GULP1: variants seen among roughly 807,000 people sequenced by gnomAD.
GULP1 encodes the protein PTB domain-containing engulfment adapter protein 1.
A neutral mutation model predicts 40.9 loss-of-function variants in GULP1; 19 were observed. The ratio of observed to expected loss-of-function variants is 0.46; its 90% CI spans 0.32 to 0.68. The LOEUF (loss-of-function observed/expected upper bound fraction) is 0.68, where lower values mean the gene tolerates loss of function less well. GULP1 is among the 30% of genes least tolerant of loss of function. The probability of loss-of-function intolerance (pLI) is 0.03; values close to 1 mark genes in which losing one functional copy is unlikely to be tolerated. For missense variants in GULP1, 312 were observed against 362.2 expected, an observed-to-expected ratio of 0.86 and a Z score of 1.12; for synonymous variants, 119 against 117.6, an observed-to-expected ratio of 1.01 and a Z score of -0.08.
intron 11 of GULP1, chr2:188,588,321 A>C (rs749951304): frequency 5.0e-5 from 10 of 198,640 alleles, no homozygotes; most frequent in Non-Finnish European, 9.4e-5. Flanking sequence ...GTAAATGGGT[A>C]GATGAAGGAA....
At position 188,318,520 on chromosome 2, in the gene GULP1, C is replaced by T. The variant is rs147050765; in HGVS notation, c.-172+26354C>T. On this transcript the variant is annotated intron_variant, in intron 1 of 11. Coordinates refer to ENST00000409830, the MANE Select transcript of GULP1 (RefSeq NM_016315.4). ...TGAGGCAGAAGGTGGGACTCAACAA[C>T]GGAGACAGGGCTGGAACACCGGATC... Among the ~76,000 whole-genome samples the T allele has an allele frequency of 4.4e-3, 673 of 152,166 alleles. 5 individuals carry two copies. Among genetic ancestry groups the T allele is most frequent in the African/African-American group, 0.015 (628 of 41,536 alleles).
chr2:188,556,456 CTT>C (rs1348448747), intron 7 of GULP1, among the ~76,000 whole-genome samples: 1 of 152,052 alleles, frequency 6.6e-6, no homozygotes, highest in East Asian at 1.9e-4. Flanking sequence ...TTTCTGATTT[CTT>C]TTTATTGTTT....
intron 6 of GULP1, among the ~76,000 whole-genome samples, chr2:188,539,985 C>G (rs1328272857): frequency 6.6e-6 from 1 of 152,048 alleles, no homozygotes; most frequent in Non-Finnish European, 1.5e-5. Flanking sequence ...TCTGAAGCCA[C>G]CTTTAGAGAA....
intron 4 of GULP1, among the ~76,000 whole-genome samples, chr2:188,486,069 AG>A (rs2061837176): frequency 6.6e-6 from 1 of 152,062 alleles, no homozygotes; most frequent in Admixed American, 6.6e-5. Flanking sequence ...ATGATGGACA[AG>A]GTTAAAAAGG....
chr2:188,556,716 A>T (rs1028548547), intron 7 of GULP1, among the ~76,000 whole-genome samples: 2 of 152,052 alleles, frequency 1.3e-5, no homozygotes, highest in East Asian at 3.9e-4. Context: ...TGTGGGGAGG[A>T]TGTTGCTAAA....
intron 2 of GULP1, among the ~76,000 whole-genome samples, chr2:188,459,352 C>A (rs2059522949): frequency 6.6e-6 from 1 of 152,112 alleles, no homozygotes; most frequent in South Asian, 2.1e-4. Context: ...TTCTCGCTAG[C>A]ATTTTTTATT....
intron 2 of GULP1, among the ~76,000 whole-genome samples, chr2:188,471,709 C>T (rs2153009120): frequency 6.6e-6 from 1 of 152,180 alleles, no homozygotes; most frequent in South Asian, 2.1e-4. Context: ...TTATTATTTC[C>T]ATTTATATCT....
chr2:188,348,162 CTT>C (rs1351390299), intron 1 of GULP1, among the ~76,000 whole-genome samples: 2 of 152,064 alleles, frequency 1.3e-5, no homozygotes, highest in East Asian at 1.9e-4. Flanking sequence ...TATAATGAGA[CTT>C]AATTGATATA....
chr2:188,517,127 T>A (rs1162737250), intron 4 of GULP1, among the ~76,000 whole-genome samples: 5 of 152,160 alleles, frequency 3.3e-5, no homozygotes, highest in South Asian at 2.1e-4. Flanking sequence ...TATTTTTTTT[T>A]AATTAACAGA....
intron 2 of GULP1, among the ~76,000 whole-genome samples, chr2:188,429,636 C>T (rs2056621918): frequency 6.6e-6 from 1 of 152,090 alleles, no homozygotes; most frequent in South Asian, 2.1e-4. Flanking sequence ...GACCCTGGAG[C>T]TGGAGAGAAT....
At chr2:188,527,402 GC>G (rs1334153605) in intron 5 of GULP1, among the ~76,000 whole-genome samples, 2 of 152,096 alleles carry the variant, frequency 1.3e-5, no homozygotes, top group Non-Finnish European at 2.9e-5. Context: ...TAGGGGGAGA[GC>G]AGCTGACTTA....
chr2:188,587,356 T>C (rs2153469646), intron 10 of GULP1, among the ~76,000 whole-genome samples: 1 of 152,180 alleles, frequency 6.6e-6, no homozygotes. Flanking sequence ...TGAGACAATG[T>C]GCTTTAAAAT....
intron 1 of GULP1, among the ~76,000 whole-genome samples, chr2:188,300,347 T>G (rs1426204082): frequency 3.3e-5 from 5 of 152,202 alleles, no homozygotes; most frequent in African/African-American, 7.2e-5. Context: ...TATTAACAAT[T>G]TTTATGAATA....
chr2:188,393,753 G>T (rs191640888), intron 2 of GULP1, among the ~76,000 whole-genome samples: 66 of 152,142 alleles, frequency 4.3e-4, no homozygotes, highest in Non-Finnish European at 4.4e-4. Context: ...AGCATTTCTT[G>T]TAGGGCAGCT....
At chr2:188,527,362 TGA>T (rs1219611545) in intron 5 of GULP1, among the ~76,000 whole-genome samples, 1 of 152,152 alleles carries the variant, frequency 6.6e-6, no homozygotes, top group East Asian at 1.9e-4. Context: ...CAGCTGATAA[TGA>T]GAGTTGCTTT....
At chr2:188,556,064 AAAAAAG>A (rs201275245) in intron 7 of GULP1, among the ~76,000 whole-genome samples, 16 of 151,958 alleles carry the variant, frequency 1.1e-4, no homozygotes, top group Middle Eastern at 3.4e-3. Context: ...TCTCAAAAAA[AAAAAAG>A]AAAAAGAAAA....
intron 2 of GULP1, among the ~76,000 whole-genome samples, chr2:188,411,995 A>C (rs2053957004): frequency 6.6e-6 from 1 of 152,180 alleles, no homozygotes; most frequent in Admixed American, 6.5e-5. Context: ...ACTCCCCGTG[A>C]GGCCATCAGT....
intron 2 of GULP1, among the ~76,000 whole-genome samples, chr2:188,440,418 A>G (rs1450188774): frequency 6.6e-6 from 1 of 152,188 alleles, no homozygotes; most frequent in Non-Finnish European, 1.5e-5. Flanking sequence ...GCATTAATTA[A>G]TTTCGGAAAG....
intron 4 of GULP1, among the ~76,000 whole-genome samples, chr2:188,505,211 C>T (rs1260063175): frequency 6.6e-6 from 1 of 151,768 alleles, no homozygotes; most frequent in Non-Finnish European, 1.5e-5. Flanking sequence ...TTCATAAGGA[C>T]ACTAAATCCC....
Sources: gnomAD v4.1 joint callset for allele counts (sites outside exome capture counted in the v4.1 genomes callset) on GRCh38, gnomAD v4.1.1 for gene constraint, MANE v1.5 for transcripts, NCBI Gene and HGNC (gene_info 2026-07-23, HGNC 2026-07-21) for gene names.